KCNAB1: variants seen among roughly 807,000 people sequenced by gnomAD.
The protein encoded by KCNAB1 is potassium voltage-gated channel subfamily A regulatory beta subunit 1, also known as voltage-gated potassium channel subunit beta-1.
KCNAB1 carries 35 observed loss-of-function variants against 64.6 expected under a neutral mutation model. That is an observed-to-expected ratio of 0.54 (90% confidence interval 0.41 to 0.72). The LOEUF (loss-of-function observed/expected upper bound fraction) is 0.72. KCNAB1 is among the 30% of genes least tolerant of loss of function. The probability of loss-of-function intolerance (pLI) is 0.00; values close to 1 mark genes in which losing one functional copy is unlikely to be tolerated. For synonymous variants in KCNAB1, 177 were observed against 183.8 expected, an observed-to-expected ratio of 0.96 and a Z score of 0.30; for missense variants, 401 against 512.9, an observed-to-expected ratio of 0.78 and a Z score of 2.11.
At position 156,221,644 on chromosome 3, in the gene KCNAB1, G is replaced by T. The variant is rs145225211; in HGVS notation, c.275+100758G>T. Among the ~76,000 whole-genome samples, 1,358 of 152,140 alleles carry T rather than the reference G, an allele frequency of 8.9e-3. 19 individuals are homozygous for T. Among genetic ancestry groups the T allele is most frequent in the African/African-American group, 0.031 (1,289 of 41,488 alleles). On this transcript the variant is annotated intron_variant, in intron 1 of 13. Coordinates refer to ENST00000490337, the MANE Select transcript of KCNAB1 (RefSeq NM_172160.3). ...AATACAAAAATTAGCCGGACATGGT[G>T]GTGGGCGCCTGTAATCACAGCTACT...
chr3:156,443,041 T>G (rs761596095), intron 2 of KCNAB1, among the ~76,000 whole-genome samples: 2 of 152,194 alleles, frequency 1.3e-5, no homozygotes, highest in African/African-American at 4.8e-5. Context: ...CAAAGCTTTT[T>G]TAAAAAATTT....
At chr3:156,273,680 C>T (rs1719170951) in intron 1 of KCNAB1, 5 of 454,886 alleles carry the variant, frequency 1.1e-5, no homozygotes, top group Non-Finnish European at 2.2e-5. Flanking sequence ...AAACCAGGTA[C>T]TGTCATCTCT....
chr3:156,509,842 T>C (rs1213060555), intron 8 of KCNAB1, among the ~76,000 whole-genome samples: 2 of 152,224 alleles, frequency 1.3e-5, no homozygotes, highest in East Asian at 3.8e-4. Context: ...ATCTCCATGT[T>C]ATGCACTTAA....
chr3:156,363,733 C>A (rs559727264), intron 1 of KCNAB1, among the ~76,000 whole-genome samples: 1 of 152,308 alleles, frequency 6.6e-6, no homozygotes, highest in Non-Finnish European at 1.5e-5. Context: ...GCCTTGGCAT[C>A]CCAAAGTGCC....
At chr3:156,517,379 T>C (rs1717629866) in intron 11 of KCNAB1, among the ~76,000 whole-genome samples, 1 of 152,252 alleles carries the variant, frequency 6.6e-6, no homozygotes, top group Non-Finnish European at 1.5e-5. Flanking sequence ...ACAACATGAA[T>C]ACGTCCTAAA....
chr3:156,170,332 C>A (rs1406733027), intron 1 of KCNAB1, among the ~76,000 whole-genome samples: 1 of 151,724 alleles, frequency 6.6e-6, no homozygotes, highest in African/African-American at 2.4e-5. Context: ...ATTGGCATTC[C>A]GGCTACTACT....
At chr3:156,459,692 C>G (rs936228340) in intron 4 of KCNAB1, 135 bp from the exon 5 acceptor site, 11 of 604,478 alleles carry the variant, frequency 1.8e-5, no homozygotes, top group Non-Finnish European at 2.9e-5. Flanking sequence ...AACTGTGCTA[C>G]CAGCCGAGAG....
intron 1 of KCNAB1, among the ~76,000 whole-genome samples, chr3:156,167,800 T>C: frequency 6.6e-6 from 1 of 152,210 alleles, no homozygotes; most frequent in East Asian, 1.9e-4. Flanking sequence ...AGTTCTAGCA[T>C]TTCCATGGAG....
intron 1 of KCNAB1, among the ~76,000 whole-genome samples, chr3:156,175,317 A>G (rs1450770174): frequency 1.3e-5 from 2 of 152,132 alleles, no homozygotes; most frequent in Admixed American, 1.3e-4. Flanking sequence ...AAAAAGAAAA[A>G]ATAAAATACA....
chr3:156,163,002 G>A (rs1407479447), intron 1 of KCNAB1, among the ~76,000 whole-genome samples: 1 of 152,150 alleles, frequency 6.6e-6, no homozygotes, highest in East Asian at 1.9e-4. Flanking sequence ...TTATAATTAG[G>A]TAGCTTAGAA....
At chr3:156,464,575 A>T (rs902830287) in intron 6 of KCNAB1, among the ~76,000 whole-genome samples, 15 of 152,004 alleles carry the variant, frequency 9.9e-5, no homozygotes, top group African/African-American at 3.4e-4. Flanking sequence ...TTGATAGGGA[A>T]TTTTTTTTAA....
intron 1 of KCNAB1, among the ~76,000 whole-genome samples, chr3:156,344,001 T>G (rs1279577511): frequency 6.6e-6 from 1 of 152,178 alleles, no homozygotes; most frequent in Non-Finnish European, 1.5e-5. Flanking sequence ...AACCACGTCT[T>G]GATTACATGT....
chr3:156,393,634 C>A (rs1713211651), intron 1 of KCNAB1, among the ~76,000 whole-genome samples: 1 of 152,154 alleles, frequency 6.6e-6, no homozygotes, highest in African/African-American at 2.4e-5. Flanking sequence ...TCTTGCATGG[C>A]ACATCAGTGA....
intron 8 of KCNAB1, among the ~76,000 whole-genome samples, chr3:156,505,838 G>C (rs1041556532): frequency 6.6e-6 from 1 of 152,060 alleles, no homozygotes; most frequent in Non-Finnish European, 1.5e-5. Context: ...CAAGGCTAGA[G>C]GGAGTAAGAG....
At chr3:156,152,469 G>A (rs1156777439) in intron 1 of KCNAB1, among the ~76,000 whole-genome samples, 3 of 152,194 alleles carry the variant, frequency 2.0e-5, no homozygotes, top group African/African-American at 7.2e-5. Context: ...TTAGCTTCTG[G>A]TGAACCCACT....
chr3:156,238,352 G>A (rs983103850), intron 1 of KCNAB1, among the ~76,000 whole-genome samples: 10 of 150,960 alleles, frequency 6.6e-5, no homozygotes, highest in Non-Finnish European at 1.3e-4. Flanking sequence ...AACCCGGGAG[G>A]CGGAACTTGC....
chr3:156,258,638 A>G (rs554475750), intron 1 of KCNAB1, among the ~76,000 whole-genome samples: 38 of 152,330 alleles, frequency 2.5e-4, no homozygotes, highest in Non-Finnish European at 4.9e-4. Context: ...ATGACAGTTA[A>G]GAATTAAGAA....
intron 2 of KCNAB1, among the ~76,000 whole-genome samples, chr3:156,425,886 T>C (rs1715782293): frequency 6.6e-6 from 1 of 152,118 alleles, no homozygotes; most frequent in African/African-American, 2.4e-5. Flanking sequence ...GAACAAGGGT[T>C]GCCACTTGGC....
At chr3:156,204,317 T>C (rs531995137) in intron 1 of KCNAB1, among the ~76,000 whole-genome samples, 1 of 152,326 alleles carries the variant, frequency 6.6e-6, no homozygotes, top group South Asian at 2.1e-4. Context: ...CCAGCTCCTG[T>C]CACTTGTAGA....
Sources: gnomAD v4.1 joint callset for allele counts (sites outside exome capture counted in the v4.1 genomes callset) on GRCh38, gnomAD v4.1.1 for gene constraint, MANE v1.5 for transcripts, NCBI Gene and HGNC (gene_info 2026-07-23, HGNC 2026-07-21) for gene names.